The following FAT2 variants were observed in gnomAD, a reference collection of about 807,000 sequenced individuals.
The protein encoded by FAT2 is FAT atypical cadherin 2, also known as protocadherin Fat 2.
FAT2 carries 150 observed loss-of-function variants against 295.3 expected under a neutral mutation model. The ratio of observed to expected loss-of-function variants is 0.51; its 90% CI spans 0.44 to 0.58. The LOEUF (loss-of-function observed/expected upper bound fraction) is 0.58, where lower values mean the gene tolerates loss of function less well. Among genes scored for constraint, FAT2 ranks in the 20% least tolerant of loss-of-function variants. The pLI is 0.00. For synonymous variants in FAT2, 2,026 were observed against 2,150.3 expected (o/e 0.94, Z 1.60); for missense variants, 4,868 against 5,442.7 (o/e 0.89, Z 3.32).
chr5:151,517,337 C>T (rs17741008), intron 20 of FAT2, among the ~76,000 whole-genome samples: 7,484 of 152,274 alleles, frequency 0.049, 370 homozygotes, highest in South Asian at 0.23. Flanking sequence ...AAAATGATAA[C>T]GGCACCAGGG....
At chr5:151,561,045 A>G (rs992225822) in intron 3 of FAT2, among the ~76,000 whole-genome samples, 23 of 152,238 alleles carry the variant, frequency 1.5e-4, no homozygotes, top group African/African-American at 5.3e-4. Context: ...GATTAATGGG[A>G]TAATCACACA....
intron 3 of FAT2, among the ~76,000 whole-genome samples, chr5:151,562,478 T>C (rs959011547): frequency 6.6e-6 from 1 of 151,990 alleles, no homozygotes; most frequent in African/African-American, 2.4e-5. Flanking sequence ...GTGGTGTCAA[T>C]GAGGGACGCA....
upstream of FAT2, among the ~76,000 whole-genome samples, chr5:151,592,469 T>C (rs1759451742): frequency 6.6e-6 from 1 of 152,116 alleles, no homozygotes; most frequent in Admixed American, 6.6e-5. Flanking sequence ...GCAACATTCC[T>C]GGCAAATAAG....
intron 13 of FAT2, among the ~76,000 whole-genome samples, chr5:151,532,510 G>A (rs1754760127): frequency 6.6e-6 from 1 of 152,134 alleles, no homozygotes; most frequent in African/African-American, 2.4e-5. Context: ...TTCCAGTTTT[G>A]ATATTATCCT....
At chr5:151,592,000 A>G (rs534394526), upstream of FAT2, among the ~76,000 whole-genome samples, 1 of 152,322 alleles carries the variant, frequency 6.6e-6, no homozygotes, top group East Asian at 1.9e-4. Context: ...TCCCCCATCT[A>G]TTAAATGGAG....
At chr5:151,585,748 T>C (rs1759144368) in intron 1 of FAT2, among the ~76,000 whole-genome samples, 1 of 151,990 alleles carries the variant, frequency 6.6e-6, no homozygotes, top group Non-Finnish European at 1.5e-5. Flanking sequence ...CTTCCAAGAG[T>C]TTGAGCTTCT....
At position 151,589,205 on chromosome 5, in the gene FAT2, T is replaced by C. The variant is rs538857994; in HGVS notation, c.-21+1960A>G. On this transcript the variant is annotated intron_variant, in intron 1 of 23. Coordinates refer to ENST00000261800, the MANE Select transcript of FAT2 (RefSeq NM_001447.3). ...AGGGTTTATCCAGGGGGTACAGGCATGTCCCCAACCGTACCAACTCCATCT... is the reference window on the plus strand; with the variant it reads ...AGGGTTTATCCAGGGGGTACAGGCACGTCCCCAACCGTACCAACTCCATCT... Among the ~76,000 whole-genome samples the C allele has an allele frequency of 2.0e-5, 3 of 152,240 alleles. No individual in the cohort carries two copies. The East Asian group carries it at 5.8e-4, about 29-fold the overall frequency.
intron 8 of FAT2, 110 bp downstream of exon 8, chr5:151,550,480 G>T: frequency 8.0e-7 from 1 of 1,244,068 alleles, no homozygotes; most frequent in South Asian, 1.4e-5. Context: ...ACTCTGTCTC[G>T]TGCATGGTCC....
At chr5:151,569,365 G>A (rs372417793) in intron 1 of FAT2, among the ~76,000 whole-genome samples, 6 of 152,284 alleles carry the variant, frequency 3.9e-5, no homozygotes, top group Admixed American at 6.5e-5. Flanking sequence ...ACTCCCCTTT[G>A]TAAAACCATC....
intron 2 of FAT2, among the ~76,000 whole-genome samples, chr5:151,565,296 A>G (rs1271978653): frequency 6.6e-6 from 1 of 152,074 alleles, no homozygotes; most frequent in Non-Finnish European, 1.5e-5. Flanking sequence ...TATATGATAT[A>G]TAAGATACAA....
In FAT2 at chr5:151,527,507, C is replaced by T. The variant is rs1247311328; in HGVS notation, c.10165-130G>A. ...TTCCTATGCCCACCCCCACTGCCCACCCGTAGCATTTTAGGGCTTAGGTTC... is the reference window on the plus strand; with the variant it reads ...TTCCTATGCCCACCCCCACTGCCCATCCGTAGCATTTTAGGGCTTAGGTTC... On this transcript the variant is annotated intron_variant, in intron 16 of 23. Transcript: ENST00000261800. The T allele has an allele frequency of 1.3e-5, 11 of 820,926 alleles. No individual in the cohort carries two copies. In the East Asian group the frequency reaches 3.1e-4, roughly 23 times the overall value. The allele number at this position is 820,926 out of a possible 1,614,324, so 50.9% of individuals were successfully genotyped here.
At position 151,567,223 on chromosome 5, in the gene FAT2, G is replaced by T. The variant is rs1442544774; in HGVS notation, c.1709C>A (p.Thr570Lys). 3.1e-6 allele frequency: 5 copies of T among 1,614,154 alleles called. No individual in the cohort carries two copies. The highest frequency in any genetic ancestry group is 1.7e-5 in the Admixed American group (1 of 60,026). The change falls in exon 2 of 24, where the codon ACA (threonine) becomes AAA (lysine). Residue 570 changes from threonine (T) to lysine (K), a missense_variant. Physicochemically the swap from Thr to Lys is moderately conservative, Grantham distance 78 (BLOSUM62 -1). Transcript: ENST00000261800. ...NQPMFEEVNC[T>K]GSIRQDWPVG... ...TGGCCAGTCTTGGCGGATAGACCCT[G>T]TACAGTTGACTTCTTCAAACATAGG...
chr5:151,568,810 G>A lies in FAT2; in HGVS notation c.122C>T (p.Thr41Ile), dbSNP rs771965604. 1.1e-5 allele frequency: 17 copies of A among 1,614,118 alleles called. No individual in the cohort carries two copies. The Admixed American group carries it at 2.8e-4, about 27-fold the overall frequency. Reference protein sequence around the residue: ...WHFTHSHYNATIYENSSPKTY... With the variant: ...WHFTHSHYNAIIYENSSPKTY... Reference sequence around the variant, plus strand: ...CTTGGGAGAAGAATTTTCATAGATGGTGGCATTGTAATGGGAGTGTGTGAA... The same window carrying A: ...CTTGGGAGAAGAATTTTCATAGATGATGGCATTGTAATGGGAGTGTGTGAA... The change falls in exon 2 of 24, where the codon ACC becomes ATC. Residue 41 changes from threonine (T) to isoleucine (I), a missense_variant. By Grantham distance (89) the Thr-to-Ile change is moderately conservative. Transcript: ENST00000261800.
chr5:151,583,244 A>C (rs1554135792), intron 1 of FAT2, among the ~76,000 whole-genome samples: 1 of 152,226 alleles, frequency 6.6e-6, no homozygotes, highest in Non-Finnish European at 1.5e-5. Flanking sequence ...GATTCATCAC[A>C]AGACTATTCA....
In FAT2 at chr5:151,576,681, G is replaced by A. The variant is rs11957800; in HGVS notation, c.-20-7730C>T. Among the ~76,000 whole-genome samples, 741 of 152,328 alleles carry A rather than the reference G, an allele frequency of 4.9e-3. 7 individuals are homozygous for A. Among genetic ancestry groups the A allele is most frequent in the African/African-American group, 0.017 (701 of 41,572 alleles). On this transcript the variant is annotated intron_variant, in intron 1 of 23. Coordinates refer to ENST00000261800, the MANE Select transcript of FAT2 (RefSeq NM_001447.3). ...CATTCTGAGAAATGTGTCATTATTT[G>A]AACCAGAATGAAAACTGTAAGTGAA...
At chr5:151,536,234 C>T (rs1581366209) in intron 12 of FAT2, among the ~76,000 whole-genome samples, 1 of 151,868 alleles carries the variant, frequency 6.6e-6, no homozygotes, top group Admixed American at 6.6e-5. Context: ...AAAAAAACGC[C>T]ATTTTTTAAA....
intron 1 of FAT2, among the ~76,000 whole-genome samples, chr5:151,571,245 G>A (rs1758510868): frequency 6.6e-6 from 1 of 152,038 alleles, no homozygotes; most frequent in African/African-American, 2.4e-5. Context: ...ACAAGCAGAA[G>A]GGGACGCCTG....
In FAT2 at chr5:151,531,597, A is replaced by C. The variant is rs1561834812; in HGVS notation, c.9801T>G (p.Asp3267Glu). The change falls in exon 14 of 24, where the codon GAT becomes GAG. Residue 3267 changes from aspartate (D) to glutamate (E), a missense_variant. By Grantham distance (45) the Asp-to-Glu change is conservative (BLOSUM62 2). Around this residue, in one of 5 missense-constraint regions of FAT2, gnomAD observed 1,046 missense variants for 1,210.1 expected, o/e 0.86. Transcript: ENST00000261800. This position sits in a 1 kb window ranked among gnomAD's most constrained non-coding sequence, Gnocchi z 5.7. ...GGATCAGGCTCTCACCTGTGCGAGC[A>C]TCCAGGCGGAACCTGCCTTGCTCGT... is the stretch of plus-strand genomic sequence containing the variant. ...SGNEQGRFRL[D>E]ARTGILYVNA... is the part of the protein sequence containing the mutation. 1 of 1,612,568 alleles carries C rather than the reference A, an allele frequency of 6.2e-7. No individual in the cohort carries two copies. Among genetic ancestry groups the C allele is most frequent in the Non-Finnish European group, 8.5e-7 (1 of 1,179,948 alleles).
chr5:151,571,314 G>C (rs1206070919), intron 1 of FAT2, among the ~76,000 whole-genome samples: 2 of 151,924 alleles, frequency 1.3e-5, no homozygotes, highest in Non-Finnish European at 2.9e-5. Flanking sequence ...AAACCCCAAG[G>C]GAAAGTGAGT....
Sources: gnomAD v4.1 joint callset for allele counts (sites outside exome capture counted in the v4.1 genomes callset) on GRCh38, gnomAD v4.1.1 for gene constraint, gnomAD v4.1.1 regional missense constraint, Gnocchi (gnomAD v3.1) non-coding constraint, MANE v1.5 for transcripts, NCBI Gene and HGNC (gene_info 2026-07-23, HGNC 2026-07-21) for gene names.